Variants in GPC5 observed in about 807,000 individuals in gnomAD.
GPC5 encodes the protein glypican 5, also known as glypican-5.
GPC5 carries 47 observed loss-of-function variants against 53.9 expected under a neutral mutation model. That is an observed-to-expected ratio of 0.87 (90% CI 0.69 to 1.11). GPC5 has a LOEUF of 1.11. Among genes scored for constraint, GPC5 ranks in the 50% most tolerant of loss-of-function variants. GPC5 has a pLI of 0.00. For synonymous variants in GPC5, 286 were observed against 263.3 expected (o/e 1.09, Z -0.84); for missense variants, 748 against 713.1 (o/e 1.05, Z -0.56).
chr13:92,125,924 G>GTTTTTTTTTTTT lies in GPC5; in HGVS notation c.1402-18868_1402-18857dup, dbSNP rs1190169532. ...TTAGAAAGGAAACATTTGTTTTTTG[G>GTTTTTTTTTTTT]TTTTTTTTTTTTTTTTTTTTTTTTT... On this transcript the variant is annotated intron_variant, in intron 6 of 7. Transcript: ENST00000377067. 1.3e-4 allele frequency among the ~76,000 whole-genome samples: 10 copies of GTTTTTTTTTTTT among 75,874 alleles called. 1 individual carries two copies. Among genetic ancestry groups the GTTTTTTTTTTTT allele is most frequent in the African/African-American group, 4.7e-4 (9 of 19,000 alleles). 49.8% of individuals were successfully genotyped at this position (75,874 alleles called of 152,430 possible).
rs554349299 is a variant in GPC5, at chr13:91,515,352, G to A, written c.325+66430G>A. On this transcript the variant is annotated intron_variant, in intron 2 of 7. Transcript: ENST00000377067. ...TAAATGTACATTTTTTTTGAATGGAGCATTCTTTATGGCAGGGGCTCAAAG... is the reference window on the plus strand; with the variant it reads ...TAAATGTACATTTTTTTTGAATGGAACATTCTTTATGGCAGGGGCTCAAAG... Among the ~76,000 whole-genome samples, 8 of 152,170 alleles carry A rather than the reference G, an allele frequency of 5.3e-5. No homozygotes were observed. In the East Asian group the frequency reaches 1.5e-3, roughly 29 times the overall value.
At chr13:91,966,702 G>C (rs1281281827) in intron 6 of GPC5, among the ~76,000 whole-genome samples, 7 of 152,172 alleles carry the variant, frequency 4.6e-5, no homozygotes, top group Non-Finnish European at 1.0e-4. Flanking sequence ...ATTTGAAGTT[G>C]ATGAAATGCA....
intron 5 of GPC5, among the ~76,000 whole-genome samples, chr13:91,774,260 A>G (rs953258727): frequency 6.6e-6 from 1 of 152,166 alleles, no homozygotes; most frequent in Non-Finnish European, 1.5e-5. Flanking sequence ...ATGATTTTTA[A>G]CTGCATACAA....
intron 6 of GPC5, among the ~76,000 whole-genome samples, chr13:92,031,749 ATAT>A (rs1776571718): frequency 1.4e-5 from 1 of 70,326 alleles, no homozygotes; most frequent in Non-Finnish European, 2.4e-5. Context: ...TATATAATAT[ATAT>A]TATATTACAT....
Position 92,287,399 on chromosome 13 carries a change from C to T in GPC5, c.1561+142410C>T, listed in dbSNP as rs1303960662. Among the ~76,000 whole-genome samples the T allele has an allele frequency of 1.3e-4, 19 of 151,998 alleles. 1 individual carries two copies. The highest frequency in any genetic ancestry group is 1.2e-3 in the Admixed American group (18 of 15,262). On this transcript the variant is annotated intron_variant, in intron 7 of 7. Transcript: ENST00000377067. ...ACTTTGCTTACAAGGTTTTTCAAGC[C>T]TTCTATTGTCTTAATGCTCTTTGTT...
intron 2 of GPC5, among the ~76,000 whole-genome samples, chr13:91,497,211 A>G (rs1884320319): frequency 6.6e-6 from 1 of 152,082 alleles, no homozygotes. Flanking sequence ...AGTCATTTTA[A>G]TTGTATTTCT....
chr13:91,921,978 A>G lies in GPC5; in HGVS notation c.1401+13921A>G, dbSNP rs189344979. Among the ~76,000 whole-genome samples the G allele has an allele frequency of 3.2e-3, 481 of 152,202 alleles. 2 individuals are homozygous for G. The highest frequency in any genetic ancestry group is 0.011 in the African/African-American group (466 of 41,524). On this transcript the variant is annotated intron_variant, in intron 6 of 7. Transcript: ENST00000377067. ...AGATTAAGGACCCTGTCTCAAAACCAAACAGAAACCAAAACAAAACTTTGC... is the reference window on the plus strand; with the variant it reads ...AGATTAAGGACCCTGTCTCAAAACCGAACAGAAACCAAAACAAAACTTTGC...
At chr13:92,141,977 C>T (rs562572862) in intron 6 of GPC5, among the ~76,000 whole-genome samples, 1 of 152,206 alleles carries the variant, frequency 6.6e-6, no homozygotes, top group Admixed American at 6.5e-5. Flanking sequence ...CAGCATGGGC[C>T]CCTGCATGCA....
chr13:92,236,816 T>C (rs896144054), intron 7 of GPC5, among the ~76,000 whole-genome samples: 1 of 151,488 alleles, frequency 6.6e-6, no homozygotes, highest in Non-Finnish European at 1.5e-5. Flanking sequence ...TTCTCTGGAA[T>C]TGTTCACAGG....
At chr13:92,837,121 T>C (rs1385230763) in intron 7 of GPC5, among the ~76,000 whole-genome samples, 1 of 152,072 alleles carries the variant, frequency 6.6e-6, no homozygotes, top group Non-Finnish European at 1.5e-5. Context: ...TTACTTACAG[T>C]TGTAAAATAA....
At position 92,522,297 on chromosome 13, in the gene GPC5, T is replaced by G. The variant is rs1205793740; in HGVS notation, c.1562-343985T>G. Among the ~76,000 whole-genome samples, 4 of 152,192 alleles carry G rather than the reference T, an allele frequency of 2.6e-5. No homozygotes were observed. The East Asian group carries it at 7.7e-4, about 29-fold the overall frequency. On this transcript the variant is annotated intron_variant, in intron 7 of 7. Transcript: ENST00000377067. ...ATACCCAAAGGATTACAAATCATGC[T>G]GCTATAAAAACACATGCACACGTAT...
intron 7 of GPC5, among the ~76,000 whole-genome samples, chr13:92,643,262 C>G (rs1885654027): frequency 6.6e-6 from 1 of 152,094 alleles, no homozygotes; most frequent in African/African-American, 2.4e-5. Flanking sequence ...TCTTTTGTTG[C>G]CATTGCTTTT....
intron 2 of GPC5, among the ~76,000 whole-genome samples, chr13:91,478,882 T>TATATATATACAC (rs1883136383): frequency 5.3e-4 from 1 of 1,874 alleles, no homozygotes; most frequent in Non-Finnish European, 3.2e-3. Context: ...ATATACACAT[T>TATATATATACAC]ATATATATAT....
At chr13:92,467,269 G>A (rs546973242) in intron 7 of GPC5, among the ~76,000 whole-genome samples, 5 of 152,208 alleles carry the variant, frequency 3.3e-5, no homozygotes, top group African/African-American at 1.2e-4. Context: ...ATTAAAGAGA[G>A]GGAAAGGATA....
intron 7 of GPC5, among the ~76,000 whole-genome samples, chr13:92,795,433 A>G (rs761431878): frequency 6.6e-6 from 1 of 152,194 alleles, no homozygotes; most frequent in Non-Finnish European, 1.5e-5. Flanking sequence ...TAAAAACCCT[A>G]AAAGAAAACC....
intron 7 of GPC5, among the ~76,000 whole-genome samples, chr13:92,609,175 G>A (rs1358305170): frequency 6.6e-6 from 1 of 151,976 alleles, no homozygotes; most frequent in Non-Finnish European, 1.5e-5. Context: ...CAGCAACTTG[G>A]GTACGAAGGA....
At chr13:92,235,740 T>A (rs2042564933) in intron 7 of GPC5, among the ~76,000 whole-genome samples, 2 of 152,116 alleles carry the variant, frequency 1.3e-5, no homozygotes, top group African/African-American at 4.8e-5. Flanking sequence ...ACCAGGGACC[T>A]TTTTCATGTT....
At chr13:92,709,100 T>G (rs1256094685) in intron 7 of GPC5, among the ~76,000 whole-genome samples, 1 of 151,528 alleles carries the variant, frequency 6.6e-6, no homozygotes, top group Admixed American at 6.6e-5. Context: ...CAGGCTAGAG[T>G]GCAATGGCAC....
chr13:91,787,261 T>C (rs950338008), intron 5 of GPC5, among the ~76,000 whole-genome samples: 2 of 152,140 alleles, frequency 1.3e-5, no homozygotes, highest in African/African-American at 4.8e-5. Flanking sequence ...AGTTGATATT[T>C]TTGTCTGAGT....
Sources: allele counts gnomAD v4.1 joint callset (sites outside exome capture counted in the v4.1 genomes callset), GRCh38; gene constraint gnomAD v4.1.1; transcripts MANE v1.5; gene names NCBI Gene and HGNC (gene_info 2026-07-23, HGNC 2026-07-21).